The following NEK6 variants were observed in gnomAD, a reference collection of about 807,000 sequenced individuals.
NEK6 encodes serine/threonine-protein kinase Nek6.
In NEK6, 27 loss-of-function variants were observed where a neutral mutation model predicts 43.5. The observed-to-expected ratio is 0.62, with a 90% CI of 0.46 to 0.86. The LOEUF is 0.86. NEK6 is among the 40% of genes least tolerant of loss of function. The probability of loss-of-function intolerance (pLI) is 0.00; values close to 1 mark genes in which losing one functional copy is unlikely to be tolerated. For missense variants in NEK6, 318 were observed against 414.4 expected (o/e 0.77, Z 2.02); for synonymous variants, 167 against 164.1 (o/e 1.02, Z -0.14).
chr9:124,284,575 G>A (rs961951174), intron 1 of NEK6, among the ~76,000 whole-genome samples: 26 of 152,258 alleles, frequency 1.7e-4, no homozygotes, highest in African/African-American at 6.3e-4. Context: ...AAAATTCCCA[G>A]TTAATGGGTT....
rs1038031740 is a variant in NEK6, at chr9:124,302,061, C to A, written c.90+7C>A. ...GCATCCTCCTGACCCACAGGTAAGC[C>A]CCTTACCTTTGTCTGCAGCACACTG... is the stretch of plus-strand genomic sequence containing the variant. On this transcript the variant is annotated splice_region_variant and intron_variant, in intron 2 of 9. Transcript: ENST00000320246. 1.3e-6 allele frequency: 2 copies of A among 1,577,478 alleles called. No homozygotes were observed. The highest frequency in any genetic ancestry group is 1.7e-5 in the Admixed American group (1 of 57,398).
intron 1 of NEK6, among the ~76,000 whole-genome samples, chr9:124,262,660 C>G (rs1027532014): frequency 2.8e-4 from 43 of 152,142 alleles, no homozygotes; most frequent in African/African-American, 9.2e-4. Flanking sequence ...AGTGGGGGGG[C>G]CATGGGAATT....
chr9:124,307,817 G>C (rs539790630), intron 2 of NEK6, among the ~76,000 whole-genome samples: 1 of 152,166 alleles, frequency 6.6e-6, no homozygotes, highest in Non-Finnish European at 1.5e-5. Flanking sequence ...GGTGCACGTC[G>C]TCAGCCCCAC....
At chr9:124,303,626 C>A (rs1167302546) in intron 2 of NEK6, among the ~76,000 whole-genome samples, 1 of 152,152 alleles carries the variant, frequency 6.6e-6, no homozygotes, top group African/African-American at 2.4e-5. Context: ...TACACACAAG[C>A]ATGCAGAGGG....
intron 1 of NEK6, among the ~76,000 whole-genome samples, chr9:124,285,372 C>A (rs907333825): frequency 6.6e-6 from 1 of 152,156 alleles, no homozygotes; most frequent in Non-Finnish European, 1.5e-5. Context: ...GGCAGGCTCC[C>A]CTCCTGCAGT....
intron 5 of NEK6, among the ~76,000 whole-genome samples, chr9:124,325,852 G>A (rs534595795): frequency 1.2e-4 from 18 of 152,322 alleles, no homozygotes; most frequent in East Asian, 1.2e-3. Flanking sequence ...TGCTGGTTCC[G>A]AGGAGATGGG....
chr9:124,346,836 G>A (rs1329485279), intron 8 of NEK6, among the ~76,000 whole-genome samples: 3 of 152,208 alleles, frequency 2.0e-5, no homozygotes, highest in Non-Finnish European at 4.4e-5. Flanking sequence ...TCGCTCCCCC[G>A]TGGCTGTGGC....
intron 1 of NEK6, among the ~76,000 whole-genome samples, chr9:124,296,991 A>G (rs935020154): frequency 6.6e-6 from 1 of 152,230 alleles, no homozygotes; most frequent in African/African-American, 2.4e-5. Flanking sequence ...AGCCCACATT[A>G]GTGAGAGCCT....
At chr9:124,262,652 T>TG (rs1170763586) in intron 1 of NEK6, among the ~76,000 whole-genome samples, 8 of 151,998 alleles carry the variant, frequency 5.3e-5, no homozygotes, top group Admixed American at 3.9e-4. Context: ...GCTGGGCGAG[T>TG]GGGGGGGCCA....
At position 124,275,392 on chromosome 9, in the gene NEK6, C is replaced by T. The variant is rs1309785546; in HGVS notation, c.-30+17307C>T. Among the ~76,000 whole-genome samples the T allele has an allele frequency of 1.3e-5, 2 of 152,308 alleles. No individual in the cohort carries two copies. The highest frequency in any genetic ancestry group is 2.4e-5 in the African/African-American group (1 of 41,552). On this transcript the variant is annotated intron_variant, in intron 1 of 9. Coordinates refer to ENST00000320246, the MANE Select transcript of NEK6 (RefSeq NM_014397.6). The surrounding 1 kb of genome is among the most constrained non-coding windows in gnomAD (Gnocchi z 4.4). ...TGTGGAGGGGTGACCTGGTTGATGA[C>T]GGTCATGGAGCCCAGAACCCATGGG... is the stretch of plus-strand genomic sequence containing the variant.
chr9:124,316,229 G>A (rs77905848), intron 4 of NEK6, among the ~76,000 whole-genome samples: 11,048 of 152,286 alleles, frequency 0.073, 786 homozygotes, highest in African/African-American at 0.19. Context: ...TCTCAAGTGC[G>A]GGGGCTGGTG....
intron 1 of NEK6, among the ~76,000 whole-genome samples, chr9:124,270,078 C>G (rs1009159568): frequency 1.3e-5 from 2 of 152,282 alleles, no homozygotes; most frequent in African/African-American, 2.4e-5. Flanking sequence ...CGCCCCCCCC[C>G]CATGCTGTCT....
intron 1 of NEK6, among the ~76,000 whole-genome samples, chr9:124,288,983 C>G (rs996925537): frequency 6.6e-6 from 1 of 152,000 alleles, no homozygotes; most frequent in Non-Finnish European, 1.5e-5. Flanking sequence ...GTTGGTGTTT[C>G]GTTTTTTGTT....
chr9:124,318,137 A>G (rs1183495158), intron 4 of NEK6, among the ~76,000 whole-genome samples: 1 of 152,198 alleles, frequency 6.6e-6, no homozygotes, highest in Non-Finnish European at 1.5e-5. Context: ...TTACATTCCT[A>G]CCAAAAGCAT....
In NEK6 at chr9:124,343,511, G is replaced by T. The variant is rs1486051044; in HGVS notation, c.717+3846G>T. ...GGCCCATCCAAGGGTAACGGGGCAGGGGCTCTGTGCCAAGTGACCCCCTCC... is the reference window on the plus strand; with the variant it reads ...GGCCCATCCAAGGGTAACGGGGCAGTGGCTCTGTGCCAAGTGACCCCCTCC... On this transcript the variant is annotated intron_variant, in intron 8 of 9. Transcript: ENST00000320246. This position sits in a 1 kb window ranked among gnomAD's most constrained non-coding sequence, Gnocchi z 5.1. 6.6e-6 allele frequency among the ~76,000 whole-genome samples: 1 copy of T among 152,154 alleles called. No individual in the cohort carries two copies. The highest frequency in any genetic ancestry group is 1.5e-5 in the Non-Finnish European group (1 of 68,000).
chr9:124,300,815 T>C (rs1832932243), intron 1 of NEK6, among the ~76,000 whole-genome samples: 1 of 152,112 alleles, frequency 6.6e-6, no homozygotes, highest in Non-Finnish European at 1.5e-5. Context: ...GCTCCATTCC[T>C]CAGGACTTCT....
intron 1 of NEK6, chr9:124,291,857 G>GC: frequency 3.0e-6 from 3 of 985,568 alleles, no homozygotes; most frequent in Non-Finnish European, 3.6e-6. Context: ...GGAGGTGGCA[G>GC]CCGGAGCTAT....
At chr9:124,310,535 T>A (rs1488282108) in intron 2 of NEK6, among the ~76,000 whole-genome samples, 32 of 152,248 alleles carry the variant, frequency 2.1e-4, no homozygotes, top group Non-Finnish European at 4.4e-5. Flanking sequence ...CTGTGAGGCC[T>A]GGACTCCCAT....
At chr9:124,330,736 G>A (rs909551342) in intron 7 of NEK6, among the ~76,000 whole-genome samples, 1 of 152,208 alleles carries the variant, frequency 6.6e-6, no homozygotes, top group African/African-American at 2.4e-5. Flanking sequence ...CTTTCGAGGG[G>A]ACAGACACAG....
Sources: gnomAD v4.1 joint callset for allele counts (sites outside exome capture counted in the v4.1 genomes callset) on GRCh38, gnomAD v4.1.1 for gene constraint, Gnocchi (gnomAD v3.1) non-coding constraint, MANE v1.5 for transcripts, NCBI Gene and HGNC (gene_info 2026-07-23, HGNC 2026-07-21) for gene names.